Variants in NRG3 observed in about 807,000 individuals in gnomAD.
The protein encoded by NRG3 is neuregulin 3, also known as pro-neuregulin-3, membrane-bound isoform.
Under a neutral mutation model 66.9 loss-of-function variants are expected in NRG3, and 31 were observed. That is an observed-to-expected ratio of 0.46 (90% CI 0.35 to 0.63). The LOEUF is 0.63. NRG3 is among the 20% of genes least tolerant of loss of function. NRG3 has a pLI of 0.00. For synonymous variants in NRG3, 393 were observed against 359.4 expected (o/e 1.09, Z -1.06); for missense variants, 910 against 878.9 (o/e 1.04, Z -0.45).
intron 1 of NRG3, among the ~76,000 whole-genome samples, chr10:82,220,591 G>C (rs76589482): frequency 0.018 from 2,713 of 152,190 alleles, 32 homozygotes; most frequent in South Asian, 0.032. Context: ...GCTTTTATTA[G>C]AAATATGCTT....
At position 82,965,948 on chromosome 10, in the gene NRG3, G is replaced by A. The variant is rs75892250; in HGVS notation, c.1284+6873G>A. ...TCTCTCAATTCTTTTTGTTTATTTC[G>A]ATGTGTACTTTTTTAATCATTTATG... is the stretch of plus-strand genomic sequence containing the variant. On this transcript the variant is annotated intron_variant, in intron 6 of 8. Coordinates refer to ENST00000372141, the MANE Select transcript of NRG3 (RefSeq NM_001010848.4). 8.0e-3 allele frequency among the ~76,000 whole-genome samples: 1,224 copies of A among 152,064 alleles called. 21 individuals are homozygous for A. The highest frequency in any genetic ancestry group is 0.028 in the African/African-American group (1,179 of 41,490).
rs529766203 is a variant in NRG3 at position 82,449,851 on chromosome 10, A to G, written c.953+90983A>G. ...GTAAAGAGTGAAGATCAAAACAATA[A>G]CTCATTCAGGGCTGTAAGAACTCAC... On this transcript the variant is annotated intron_variant, in intron 2 of 8. Coordinates refer to ENST00000372141, the MANE Select transcript of NRG3 (RefSeq NM_001010848.4). Among the ~76,000 whole-genome samples, 3 of 152,230 alleles carry G rather than the reference A, an allele frequency of 2.0e-5. No homozygotes were observed. The South Asian group carries it at 6.2e-4, about 32-fold the overall frequency.
At chr10:82,792,373 C>A (rs1278418373) in intron 3 of NRG3, among the ~76,000 whole-genome samples, 1 of 152,098 alleles carries the variant, frequency 6.6e-6, no homozygotes, top group African/African-American at 2.4e-5. Context: ...GCTGGGTACT[C>A]AAAGGGAATT....
At chr10:82,204,070 A>G (rs1379261569) in intron 1 of NRG3, among the ~76,000 whole-genome samples, 1 of 152,124 alleles carries the variant, frequency 6.6e-6, no homozygotes, top group African/African-American at 2.4e-5. Context: ...ATCATTTTGT[A>G]TCTTGATTCA....
chr10:82,331,571 C>A (rs570251777), intron 1 of NRG3, among the ~76,000 whole-genome samples: 1 of 152,212 alleles, frequency 6.6e-6, no homozygotes, highest in East Asian at 1.9e-4. Flanking sequence ...TTCATGTTAT[C>A]ATATCTAATG....
At chr10:82,838,065 C>G (rs148890455) in intron 3 of NRG3, among the ~76,000 whole-genome samples, 158 of 152,278 alleles carry the variant, frequency 1.0e-3, no homozygotes, top group African/African-American at 3.5e-3. Flanking sequence ...CACACACCAT[C>G]ATTTGCTGCC....
At chr10:82,744,786 A>G (rs2058573617) in intron 3 of NRG3, among the ~76,000 whole-genome samples, 1 of 152,210 alleles carries the variant, frequency 6.6e-6, no homozygotes. Flanking sequence ...TTTATAAATT[A>G]AGATATTCTA....
intron 1 of NRG3, among the ~76,000 whole-genome samples, chr10:82,317,099 G>T (rs1023856670): frequency 6.6e-6 from 1 of 152,054 alleles, no homozygotes. Context: ...TTTCCAGAAA[G>T]GTATAGAATG....
intron 2 of NRG3, among the ~76,000 whole-genome samples, chr10:82,682,201 T>C (rs947238613): frequency 7.9e-5 from 12 of 152,206 alleles, no homozygotes; most frequent in African/African-American, 2.7e-4. Flanking sequence ...TCACTATTTA[T>C]TGTTTATCAG....
chr10:82,745,963 C>T (rs1185630907), intron 3 of NRG3, among the ~76,000 whole-genome samples: 1 of 152,108 alleles, frequency 6.6e-6, no homozygotes, highest in African/African-American at 2.4e-5. Context: ...ATGATCTTGG[C>T]TCACTGCAGC....
intron 2 of NRG3, among the ~76,000 whole-genome samples, chr10:82,432,069 C>T (rs996859949): frequency 7.2e-5 from 11 of 152,094 alleles, no homozygotes; most frequent in Admixed American, 3.9e-4. Context: ...ATACTGCTGC[C>T]TTCATTCCTA....
intron 4 of NRG3, among the ~76,000 whole-genome samples, chr10:82,873,030 A>G (rs1299572206): frequency 6.6e-6 from 1 of 152,136 alleles, no homozygotes; most frequent in Non-Finnish European, 1.5e-5. Context: ...AATTTTAAGG[A>G]GTGATTATCC....
intron 3 of NRG3, among the ~76,000 whole-genome samples, chr10:82,820,109 G>T (rs976876171): frequency 3.3e-4 from 50 of 152,184 alleles, no homozygotes. Context: ...TAAAAATGAG[G>T]AGAGGTTTGG....
At chr10:81,900,225 G>A (rs994807943) in intron 1 of NRG3, among the ~76,000 whole-genome samples, 1 of 147,048 alleles carries the variant, frequency 6.8e-6, no homozygotes, top group Non-Finnish European at 1.5e-5. Context: ...TGGGATTACA[G>A]GCATGAGCCA....
At chr10:82,049,380 G>A (rs1341411119) in intron 1 of NRG3, among the ~76,000 whole-genome samples, 1 of 151,898 alleles carries the variant, frequency 6.6e-6, no homozygotes, top group African/African-American at 2.4e-5. Flanking sequence ...ATATTGCTTT[G>A]GATACATTCT....
chr10:82,623,377 T>C (rs1243516490), intron 2 of NRG3, among the ~76,000 whole-genome samples: 1 of 152,196 alleles, frequency 6.6e-6, no homozygotes, highest in Non-Finnish European at 1.5e-5. Context: ...GAACTACTTC[T>C]CCCAGAACTA....
intron 1 of NRG3, among the ~76,000 whole-genome samples, chr10:81,957,396 C>G (rs1466492195): frequency 6.6e-6 from 1 of 152,102 alleles, no homozygotes; most frequent in African/African-American, 2.4e-5. Context: ...ATCATTCTCT[C>G]CCTTGCATCA....
At chr10:82,782,691 G>C (rs949659833) in intron 3 of NRG3, among the ~76,000 whole-genome samples, 2 of 151,992 alleles carry the variant, frequency 1.3e-5, no homozygotes, top group Non-Finnish European at 2.9e-5. Flanking sequence ...TCTGGTGAGG[G>C]CTTAGAAAAA....
chr10:82,735,920 T>TA (rs942112590), intron 2 of NRG3, among the ~76,000 whole-genome samples: 17 of 111,046 alleles, frequency 1.5e-4, no homozygotes, highest in Middle Eastern at 4.3e-3. Flanking sequence ...CTTAAAATAA[T>TA]AAAAAAAAGA....
Sources: allele counts gnomAD v4.1 joint callset (sites outside exome capture counted in the v4.1 genomes callset), GRCh38; gene constraint gnomAD v4.1.1; transcripts MANE v1.5; gene names NCBI Gene and HGNC (gene_info 2026-07-23, HGNC 2026-07-21).